FAM193A: variants seen among roughly 807,000 people sequenced by gnomAD.
FAM193A encodes protein FAM193A.
Under a neutral mutation model 126.5 loss-of-function variants are expected in FAM193A, and 22 were observed. That is an observed-to-expected ratio of 0.17 (90% CI 0.12 to 0.25). The LOEUF (loss-of-function observed/expected upper bound fraction) is 0.25. FAM193A is among the 10% of genes least tolerant of loss of function. The pLI is 1.00. For synonymous variants in FAM193A, 761 were observed against 646.8 expected (o/e 1.18, Z -2.68); for missense variants, 1,675 against 1,672.8 (o/e 1.00, Z -0.02).
intron 4 of FAM193A, among the ~76,000 whole-genome samples, chr4:2,628,853 CT>C (rs71178496): frequency 3.4e-3 from 242 of 71,724 alleles, no homozygotes; most frequent in African/African-American, 5.4e-3. Flanking sequence ...CTGTCTCTCT[CT>C]TTTTTTTTTT....
intron 1 of FAM193A, among the ~76,000 whole-genome samples, chr4:2,548,366 C>T (rs1024063155): frequency 6.6e-6 from 1 of 152,012 alleles, no homozygotes; most frequent in African/African-American, 2.4e-5. Context: ...CCACCATGCC[C>T]GGCCTACTTT....
chr4:2,719,718 C>T (rs112736408), intron 20 of FAM193A, among the ~76,000 whole-genome samples: 2,028 of 146,700 alleles, frequency 0.014, 23 homozygotes, highest in Non-Finnish European at 0.019. Flanking sequence ...GTACTCCAGC[C>T]TGGGCAACAG....
chr4:2,679,709 G>A (rs1165127882), intron 13 of FAM193A, among the ~76,000 whole-genome samples: 3 of 151,854 alleles, frequency 2.0e-5, no homozygotes, highest in Non-Finnish European at 4.4e-5. Context: ...CTTTGGCTTT[G>A]GTATGGGGAT....
At chr4:2,591,376 C>T (rs917247846) in intron 1 of FAM193A, among the ~76,000 whole-genome samples, 2 of 152,056 alleles carry the variant, frequency 1.3e-5, no homozygotes, top group African/African-American at 4.8e-5. Context: ...TTTTAGGCAG[C>T]AGGAACAATC....
intron 1 of FAM193A, among the ~76,000 whole-genome samples, chr4:2,576,821 G>T (rs1560455111): frequency 1.3e-5 from 2 of 152,234 alleles, no homozygotes; most frequent in African/African-American, 2.4e-5. Flanking sequence ...ATTTTATGCT[G>T]TGGTAATAGG....
intron 14 of FAM193A, 70 bp downstream of exon 14, chr4:2,689,774 C>A: frequency 3.4e-6 from 4 of 1,174,670 alleles, no homozygotes; most frequent in South Asian, 2.9e-5. Flanking sequence ...TTGCCGTAGT[C>A]TCCCGTGGAA....
At position 2,659,918 on chromosome 4, in the gene FAM193A, C is replaced by A; in HGVS notation, c.1609C>A (p.Pro537Thr). Reference sequence around the variant, plus strand: ...TCACCAGCTCCCACTTCAAGTGGATCCTGCTCCTGACTATCTTGCTGAGAG... The same window carrying A: ...TCACCAGCTCCCACTTCAAGTGGATACTGCTCCTGACTATCTTGCTGAGAG... ...HIHQLPLQVD[P>T]APDYLAERSP... Residue 537 changes from proline (P) to threonine (T), a missense_variant, in exon 10 of 21, where the codon CCT becomes ACT. Around this residue, in one of 4 missense-constraint regions of FAM193A, gnomAD observed 1,186 missense variants for 1,109.2 expected, o/e 1.07. Coordinates refer to ENST00000637812, the MANE Select transcript of FAM193A (RefSeq NM_001366318.2). The A allele has an allele frequency of 6.2e-7, 1 of 1,614,176 alleles. No homozygotes were observed. Among genetic ancestry groups the A allele is most frequent in the Non-Finnish European group, 8.5e-7 (1 of 1,180,034 alleles).
chr4:2,617,240 T>TTATATA lies in FAM193A; in HGVS notation c.502-8004_502-7999dup, dbSNP rs1553895142. 3.3e-3 allele frequency among the ~76,000 whole-genome samples: 116 copies of TTATATA among 35,248 alleles called. 3 individuals are homozygous for TTATATA. Among genetic ancestry groups the TTATATA allele is most frequent in the Non-Finnish European group, 4.7e-3 (105 of 22,534 alleles). The allele number at this position is 35,248 out of a possible 152,430, so 23.1% of individuals were successfully genotyped here. On this transcript the variant is annotated intron_variant, in intron 2 of 20. Coordinates refer to ENST00000637812, the MANE Select transcript of FAM193A (RefSeq NM_001366318.2). ...TGTATTGGTCAGAAGTATGTTTTTA[T>TTATATA]TATATATATATATATATATATATTT...
At chr4:2,634,919 T>C (rs548412570) in intron 5 of FAM193A, among the ~76,000 whole-genome samples, 11 of 152,332 alleles carry the variant, frequency 7.2e-5, no homozygotes, top group Admixed American at 2.0e-4. Flanking sequence ...AGATGCGCAG[T>C]TAATCAGCAT....
chr4:2,691,033 G>A (rs544644535), intron 15 of FAM193A, 63 bp downstream of exon 15: 67 of 1,471,618 alleles, frequency 4.6e-5, no homozygotes, highest in Middle Eastern at 3.8e-4. Context: ...CTGACTTCTC[G>A]TCTTTGTAAC....
chr4:2,678,222 G>T (rs1714658399), intron 13 of FAM193A, among the ~76,000 whole-genome samples: 1 of 152,198 alleles, frequency 6.6e-6, no homozygotes, highest in African/African-American at 2.4e-5. Flanking sequence ...CTGAACTCAT[G>T]ATCTGCCTGC....
intron 1 of FAM193A, among the ~76,000 whole-genome samples, chr4:2,575,550 T>C (rs1577027662): frequency 6.7e-6 from 1 of 148,650 alleles, no homozygotes; most frequent in African/African-American, 2.5e-5. Flanking sequence ...CGCTGCAACC[T>C]CTGCTTCCCG....
intron 2 of FAM193A, among the ~76,000 whole-genome samples, chr4:2,609,305 A>G (rs1741721730): frequency 6.6e-6 from 1 of 152,172 alleles, no homozygotes; most frequent in Admixed American, 6.5e-5. Flanking sequence ...TTTAACAAAA[A>G]TAGTTTTAGT....
chr4:2,625,197 A>G (rs914478697), intron 2 of FAM193A, 65 bp from the exon 3 acceptor site: 3 of 623,312 alleles, frequency 4.8e-6, no homozygotes, highest in Non-Finnish European at 8.7e-6. Flanking sequence ...CTGAACAGTT[A>G]ATAAAAAATT....
chr4:2,580,435 CAT>C (rs1001215812), intron 1 of FAM193A, among the ~76,000 whole-genome samples: 11 of 152,300 alleles, frequency 7.2e-5, no homozygotes, highest in South Asian at 2.1e-4. Flanking sequence ...GCCTGTGACA[CAT>C]GTTTACCTGT....
chr4:2,622,257 C>CAAAAAAAAAAAAAAAAAAAA (rs71178493), intron 2 of FAM193A, among the ~76,000 whole-genome samples: 1 of 55,570 alleles, frequency 1.8e-5, no homozygotes, highest in African/African-American at 6.8e-5. Flanking sequence ...ACCCTGTCTC[C>CAAAAAAAAAAAAAAAAAAAA]AAAAAAAAAA....
At chr4:2,724,638 C>G (rs1217074133) in intron 20 of FAM193A, among the ~76,000 whole-genome samples, 1 of 152,116 alleles carries the variant, frequency 6.6e-6, no homozygotes, top group Non-Finnish European at 1.5e-5. Flanking sequence ...CACTTGAGCC[C>G]AGGAGTTTGA....
At chr4:2,549,553 C>T (rs1310138301) in intron 1 of FAM193A, among the ~76,000 whole-genome samples, 2 of 145,138 alleles carry the variant, frequency 1.4e-5, no homozygotes, top group East Asian at 2.0e-4. Context: ...CCCGCCACTA[C>T]GCTCGGCTAA....
At chr4:2,627,744 A>ATTT (rs764315526) in intron 4 of FAM193A, among the ~76,000 whole-genome samples, 1 of 113,458 alleles carries the variant, frequency 8.8e-6, no homozygotes, top group Non-Finnish European at 1.9e-5. Flanking sequence ...TGCCCAGCTA[A>ATTT]TTTTTTTTTT....
Sources: gnomAD v4.1 joint callset for allele counts (sites outside exome capture counted in the v4.1 genomes callset) on GRCh38, gnomAD v4.1.1 for gene constraint, gnomAD v4.1.1 regional missense constraint, MANE v1.5 for transcripts, NCBI Gene and HGNC (gene_info 2026-07-23, HGNC 2026-07-21) for gene names.